The following MARCHF1 variants were observed in gnomAD, a reference collection of about 807,000 sequenced individuals.
MARCHF1 encodes the protein E3 ubiquitin-protein ligase MARCHF1.
MARCHF1 carries 40 observed loss-of-function variants against 54.2 expected under a neutral mutation model. The observed-to-expected ratio is 0.74, with a 90% CI of 0.57 to 0.96. MARCHF1 has a LOEUF of 0.96. Among genes scored for constraint, MARCHF1 ranks in the 40% least tolerant of loss-of-function variants. MARCHF1 has a pLI of 0.00. For missense variants in MARCHF1, 586 were observed against 656.5 expected (o/e 0.89, Z 1.17); for synonymous variants, 236 against 236.3 (o/e 1.00, Z 0.01).
intron 1 of MARCHF1, among the ~76,000 whole-genome samples, chr4:164,358,627 G>C (rs1202508162): frequency 6.6e-6 from 1 of 152,110 alleles, no homozygotes; most frequent in Non-Finnish European, 1.5e-5. Flanking sequence ...TGGTAGACCT[G>C]GTTCACTTCA....
chr4:164,220,710 TAA>T (rs1056480754), intron 1 of MARCHF1, among the ~76,000 whole-genome samples: 2 of 146,934 alleles, frequency 1.4e-5, no homozygotes, highest in African/African-American at 5.0e-5. Context: ...TGTATATATG[TAA>T]TATATATGAT....
intron 1 of MARCHF1, among the ~76,000 whole-genome samples, chr4:164,270,906 G>A (rs1733729531): frequency 6.6e-6 from 1 of 152,078 alleles, no homozygotes; most frequent in South Asian, 2.1e-4. Context: ...GGCCAAAATA[G>A]TCAACTTCTG....
chr4:163,844,560 A>G (rs1749431907), intron 4 of MARCHF1, among the ~76,000 whole-genome samples: 1 of 152,166 alleles, frequency 6.6e-6, no homozygotes, highest in Admixed American at 6.6e-5. Context: ...CAAACTGCAT[A>G]TTTGTTGCAT....
At chr4:163,827,096 A>AAAT (rs1000929145) in intron 4 of MARCHF1, among the ~76,000 whole-genome samples, 1 of 151,684 alleles carries the variant, frequency 6.6e-6, no homozygotes, top group Non-Finnish European at 1.5e-5. Flanking sequence ...AATAAAAAAA[A>AAAT]AGTAATGAAA....
In MARCHF1 at chr4:164,278,833, C is replaced by T. The variant is rs543052580; in HGVS notation, c.-323+105037G>A. Among the ~76,000 whole-genome samples the T allele has an allele frequency of 1.0e-3, 156 of 152,252 alleles. 1 individual carries two copies. The highest frequency in any genetic ancestry group is 2.5e-3 in the Admixed American group (38 of 15,290). ...AACATTAGAACAATTTTCTCATTCACACCATCTGATTATTGTATTTTATTT... is the reference window on the plus strand; with the variant it reads ...AACATTAGAACAATTTTCTCATTCATACCATCTGATTATTGTATTTTATTT... On this transcript the variant is annotated intron_variant, in intron 1 of 9. Coordinates refer to ENST00000514618, the MANE Select transcript of MARCHF1 (RefSeq NM_001394959.1).
At chr4:164,018,658 TAA>T (rs900788667) in intron 2 of MARCHF1, among the ~76,000 whole-genome samples, 27 of 152,284 alleles carry the variant, frequency 1.8e-4, no homozygotes, top group African/African-American at 5.8e-4. Context: ...AAACATATTT[TAA>T]AAAGTTATAT....
chr4:163,820,476 A>G (rs1020671690), intron 4 of MARCHF1, among the ~76,000 whole-genome samples: 1 of 152,026 alleles, frequency 6.6e-6, no homozygotes, highest in African/African-American at 2.4e-5. Context: ...ATTCATGCTC[A>G]CAGATTCAAT....
chr4:163,982,510 T>C (rs1752783627), intron 3 of MARCHF1, among the ~76,000 whole-genome samples: 1 of 152,242 alleles, frequency 6.6e-6, no homozygotes, highest in East Asian at 1.9e-4. Flanking sequence ...AACTGCCCTT[T>C]GGCAAAATAT....
chr4:163,570,367 C>CTT (rs1739802460), intron 8 of MARCHF1, among the ~76,000 whole-genome samples: 1 of 152,038 alleles, frequency 6.6e-6, no homozygotes, highest in African/African-American at 2.4e-5. Flanking sequence ...CTACAAAATA[C>CTT]TTTTACTGAC....
chr4:164,149,579 G>C (rs979768467), intron 1 of MARCHF1, among the ~76,000 whole-genome samples: 1 of 152,012 alleles, frequency 6.6e-6, no homozygotes, highest in Non-Finnish European at 1.5e-5. Context: ...TTTATTAAAC[G>C]TTGTCTTTGT....
At chr4:163,911,407 G>A (rs1423412875) in intron 3 of MARCHF1, among the ~76,000 whole-genome samples, 1 of 152,120 alleles carries the variant, frequency 6.6e-6, no homozygotes, top group African/African-American at 2.4e-5. Context: ...AGAGGTGTGT[G>A]CCTGAGTTTA....
intron 3 of MARCHF1, among the ~76,000 whole-genome samples, chr4:163,876,736 C>T (rs192591553): frequency 2.6e-5 from 4 of 152,164 alleles, no homozygotes; most frequent in Admixed American, 1.3e-4. Flanking sequence ...AATAACAAAA[C>T]GAAGCAATGT....
chr4:163,893,015 G>A (rs1054264097), intron 3 of MARCHF1, among the ~76,000 whole-genome samples: 15 of 151,722 alleles, frequency 9.9e-5, no homozygotes, highest in African/African-American at 3.6e-4. Flanking sequence ...TAGGCAAAAC[G>A]GATCTTTTAT....
intron 1 of MARCHF1, among the ~76,000 whole-genome samples, chr4:164,195,006 G>A (rs544561420): frequency 7.5e-5 from 11 of 146,304 alleles, no homozygotes; most frequent in African/African-American, 1.8e-4. Context: ...GATGTTCCCC[G>A]CCCTGTATCC....
intron 3 of MARCHF1, among the ~76,000 whole-genome samples, chr4:163,854,432 A>G (rs929361847): frequency 6.6e-6 from 1 of 152,156 alleles, no homozygotes; most frequent in Non-Finnish European, 1.5e-5. Context: ...AGACAATGAG[A>G]ATTCCTTGTG....
At chr4:163,828,089 T>G (rs148466877) in intron 4 of MARCHF1, among the ~76,000 whole-genome samples, 1 of 150,700 alleles carries the variant, frequency 6.6e-6, no homozygotes, top group Non-Finnish European at 1.5e-5. Context: ...TCCTCAGCAC[T>G]TCTGATGTTC....
chr4:164,054,820 C>T (rs1468170259), intron 2 of MARCHF1, among the ~76,000 whole-genome samples: 3 of 148,346 alleles, frequency 2.0e-5, no homozygotes, highest in Non-Finnish European at 4.5e-5. Context: ...GGAGATATAC[C>T]TAATGCTAGA....
At chr4:163,580,239 CAGGTAATTTTTTGTATTTTT>C (rs1183941638) in intron 8 of MARCHF1, among the ~76,000 whole-genome samples, 1 of 151,894 alleles carries the variant, frequency 6.6e-6, no homozygotes, top group African/African-American at 2.4e-5. Flanking sequence ...CCACCACACC[CAGGTAATTTTTTGTATTTTT>C]AGTAAAGATG....
rs144661190 is a variant in MARCHF1, at chr4:163,981,256, T to C, written c.-39+7245A>G. 2.0e-3 allele frequency among the ~76,000 whole-genome samples: 302 copies of C among 152,340 alleles called. 1 individual carries two copies. Among genetic ancestry groups the C allele is most frequent in the African/African-American group, 7.1e-3 (295 of 41,558 alleles). On this transcript the variant is annotated intron_variant, in intron 3 of 9. Transcript: ENST00000514618. ...GTAGCAGAAAATGTGCAACCTTTGG[T>C]TGAGTGAAAGTAAGTCCACATCATT...
Sources: allele counts gnomAD v4.1 joint callset (sites outside exome capture counted in the v4.1 genomes callset), GRCh38; gene constraint gnomAD v4.1.1; transcripts MANE v1.5; gene names NCBI Gene and HGNC (gene_info 2026-07-23, HGNC 2026-07-21).